Variants in ARL17A observed in about 807,000 individuals in gnomAD.
The protein encoded by ARL17A is ARF like GTPase 17A.
At position 46,554,992 on chromosome 17, in the gene ARL17A, AATT is replaced by A. The variant is rs1192318231; in HGVS notation, c.*2361_*2363del. On this transcript the variant is annotated 3_prime_UTR_variant, in exon 4 of 4. Transcript: ENST00000336125. ...GCTTCTGAAAGTCCCACATGCATGG[AATT>A]ATTTTCAAGACCCCGGGTATGTGGT... 4.8e-6 allele frequency: 2 copies of A among 415,782 alleles called. 1 individual carries two copies. Among genetic ancestry groups the A allele is most frequent in the East Asian group, 1.4e-4 (2 of 13,916 alleles). The allele number at this position is 415,782 out of a possible 1,614,324, so 25.8% of individuals were successfully genotyped here. A position where few individuals can be genotyped will look rare whatever the true frequency, so the allele number is the denominator to read the frequency against.
chr17:46,534,000 C>T (rs1337134438), intron 4 of ARL17A, among the ~76,000 whole-genome samples: 1 of 121,850 alleles, frequency 8.2e-6, no homozygotes, highest in Non-Finnish European at 1.6e-5. Context: ...GCCTTTTGTC[C>T]TCCAGTGTTG....
chr17:46,537,024 G>A (rs1467881054), intron 4 of ARL17A, among the ~76,000 whole-genome samples: 29 of 49,446 alleles, frequency 5.9e-4, no homozygotes, highest in African/African-American at 1.4e-3. Flanking sequence ...TCCTTGGGTT[G>A]CTGCAAGACT....
In ARL17A at chr17:46,557,140, G is replaced by C. The variant is rs1426659974; in HGVS notation, c.*216C>G. 1 of 545,810 alleles carries C rather than the reference G, an allele frequency of 1.8e-6. No homozygotes were observed. The highest frequency in any genetic ancestry group is 2.1e-5 in the African/African-American group (1 of 47,480). 33.8% of individuals were successfully genotyped at this position (545,810 alleles called of 1,614,324 possible). On this transcript the variant is annotated 3_prime_UTR_variant, in exon 4 of 4. Coordinates refer to ENST00000336125, the MANE Select transcript of ARL17A (RefSeq NM_001113738.2). ...TGCTCTTAGCACCGCCATCATTCAG[G>C]AATTTCCAAGGGTTTTAGGAGCTTT...
intron 3 of ARL17A, among the ~76,000 whole-genome samples, chr17:46,545,296 A>C (rs1297948187): frequency 6.8e-6 from 1 of 147,874 alleles, no homozygotes; most frequent in Non-Finnish European, 1.5e-5. Flanking sequence ...AAAAAAAAAA[A>C]AAAAATTAGC....
chr17:46,540,624 CTT>C (rs1466524728), intron 3 of ARL17A, among the ~76,000 whole-genome samples: 3 of 140,342 alleles, frequency 2.1e-5, no homozygotes, highest in Admixed American at 7.0e-5. Flanking sequence ...CAGTTCTGCT[CTT>C]GAGTATCATT....
downstream of ARL17A, among the ~76,000 whole-genome samples, chr17:46,550,801 C>A (rs541043973): frequency 8.3e-5 from 9 of 108,276 alleles, 2 homozygotes; most frequent in African/African-American, 2.4e-4. Flanking sequence ...ACTATGTCAA[C>A]AATTGGATGT....
downstream of ARL17A, chr17:46,552,447 AAT>A (rs1331718019): frequency 6.8e-5 from 2 of 29,526 alleles, no homozygotes; most frequent in Admixed American, 7.6e-4. Context: ...TAATTTAAAA[AAT>A]GTGTTCGTAG....
downstream of ARL17A, chr17:46,548,915 C>T (rs1222109272): frequency 2.5e-6 from 4 of 1,612,414 alleles, no homozygotes; most frequent in African/African-American, 2.7e-5. Context: ...CCTTCTACCT[C>T]CAGCCCTGCA....
chr17:46,558,971 C>T (rs2145992874), intron 3 of ARL17A: 1 of 105,784 alleles, frequency 9.5e-6, no homozygotes, highest in East Asian at 3.5e-4. Context: ...AGTCCCCGCG[C>T]CCGGCAAAGC....
chr17:46,501,651 C>A, the ARL17A span, among the ~76,000 whole-genome samples: 1 of 151,192 alleles, frequency 6.6e-6, no homozygotes. Flanking sequence ...TGTAGAAATC[C>A]TATTCCATGT....
chr17:46,502,068 T>C, the ARL17A span, among the ~76,000 whole-genome samples: 23 of 151,484 alleles, frequency 1.5e-4, no homozygotes, highest in Non-Finnish European at 3.2e-4. Context: ...AAACAGTTAC[T>C]TGGCATCATT....
intron 4 of ARL17A, among the ~76,000 whole-genome samples, chr17:46,534,214 T>G (rs1431081837): frequency 1.3e-5 from 2 of 148,260 alleles, no homozygotes; most frequent in Admixed American, 6.7e-5. Context: ...TTAATTTTTT[T>G]TTATTGATCA....
chr17:46,543,224 T>C (rs1235559739), intron 3 of ARL17A, among the ~76,000 whole-genome samples: 3 of 150,638 alleles, frequency 2.0e-5, no homozygotes. Flanking sequence ...TTCAGGAGTT[T>C]ACACATTTAT....
At chr17:46,528,737 A>G (rs2145119124), downstream of ARL17A, 3 of 664,722 alleles carry the variant, frequency 4.5e-6, no homozygotes, top group East Asian at 8.2e-5. Context: ...AAAAAAAAAA[A>G]AAAAGGAAAA....
intron 3 of ARL17A, chr17:46,558,968 G>A (rs1467651666): frequency 2.0e-5 from 2 of 99,268 alleles, no homozygotes; most frequent in Admixed American, 2.1e-4. Context: ...GGGAGTCCCC[G>A]CGCCCGGCAA....
downstream of ARL17A, among the ~76,000 whole-genome samples, chr17:46,525,602 T>TATC (rs1555641483): frequency 3.9e-5 from 4 of 103,262 alleles, no homozygotes; most frequent in Non-Finnish European, 6.3e-5. Flanking sequence ...ATAATAATAA[T>TATC]ATAATAATAA....
chr17:46,512,645 TAAAG>T (rs2051021035), downstream of ARL17A: 1 of 339,784 alleles, frequency 2.9e-6, no homozygotes, highest in African/African-American at 3.2e-5. Flanking sequence ...GTGACATAAA[TAAAG>T]GTGTCATAAA....
chr17:46,500,932 C>A, the ARL17A span, among the ~76,000 whole-genome samples: 1 of 151,178 alleles, frequency 6.6e-6, no homozygotes, highest in Admixed American at 6.6e-5. Flanking sequence ...GTAATCCCAG[C>A]ACTTTGGGAG....
chr17:46,568,796 A>G (rs1360765766), intron 3 of ARL17A, among the ~76,000 whole-genome samples: 1 of 107,094 alleles, frequency 9.3e-6, no homozygotes, highest in Non-Finnish European at 1.8e-5. Context: ...AAAAAAAAAA[A>G]GGAAAAAAAA....
Sources: gnomAD v4.1 joint callset for allele counts (sites outside exome capture counted in the v4.1 genomes callset) on GRCh38, gnomAD v4.1.1 for gene constraint, MANE v1.5 for transcripts, NCBI Gene and HGNC (gene_info 2026-07-23, HGNC 2026-07-21) for gene names.